The following SOX6 variants were observed in gnomAD, a reference collection of about 807,000 sequenced individuals.
SOX6 encodes the protein transcription factor SOX-6.
Under a neutral mutation model 97.8 loss-of-function variants are expected in SOX6, and 11 were observed. The ratio of observed to expected loss-of-function variants is 0.11; its 90% CI spans 0.07 to 0.19. SOX6 has a LOEUF of 0.19. Ranked by LOEUF, SOX6 falls within the 10% of genes least tolerant of loss-of-function variation. The pLI is 1.00. For synonymous variants in SOX6, 360 were observed against 371.4 expected, an observed-to-expected ratio of 0.97 and a Z score of 0.35; for missense variants, 810 against 1,039.5, an observed-to-expected ratio of 0.78 and a Z score of 3.04.
At chr11:16,079,829 T>C (rs150614024) in intron 9 of SOX6, among the ~76,000 whole-genome samples, 1 of 149,400 alleles carries the variant, frequency 6.7e-6, no homozygotes, top group African/African-American at 2.6e-5. Context: ...AGCACGTAAA[T>C]ATGCCATCTG....
intron 1 of SOX6, among the ~76,000 whole-genome samples, chr11:16,468,287 C>G (rs936419519): frequency 3.9e-5 from 6 of 152,164 alleles, no homozygotes; most frequent in Non-Finnish European, 7.4e-5. Context: ...GCTGTTTGCA[C>G]TATATTACTT....
At chr11:16,210,439 C>T (rs1852189387) in intron 4 of SOX6, among the ~76,000 whole-genome samples, 2 of 152,106 alleles carry the variant, frequency 1.3e-5, no homozygotes, top group Non-Finnish European at 1.5e-5. Context: ...ATAGGCAAAT[C>T]TACAGAGATA....
intron 2 of SOX6, among the ~76,000 whole-genome samples, chr11:16,735,149 G>C (rs1410012818): frequency 6.6e-6 from 1 of 152,088 alleles, no homozygotes; most frequent in African/African-American, 2.4e-5. Flanking sequence ...TTAGAAAACA[G>C]GTCACACAGA....
intron 1 of SOX6, among the ~76,000 whole-genome samples, chr11:16,421,624 T>C (rs1312170301): frequency 6.6e-6 from 1 of 152,216 alleles, no homozygotes; most frequent in African/African-American, 2.4e-5. Context: ...TCAATGATAT[T>C]GTACAAAAGA....
At chr11:16,248,608 C>T (rs992781956) in intron 3 of SOX6, among the ~76,000 whole-genome samples, 1 of 152,244 alleles carries the variant, frequency 6.6e-6, no homozygotes, top group African/African-American at 2.4e-5. Flanking sequence ...TACTTTTGCC[C>T]CTTGTAGCCA....
At chr11:16,377,582 A>G (rs1857676521) in intron 1 of SOX6, among the ~76,000 whole-genome samples, 1 of 152,188 alleles carries the variant, frequency 6.6e-6, no homozygotes, top group African/African-American at 2.4e-5. Context: ...GATGGAAAAA[A>G]ACATCCACTT....
chr11:16,429,895 G>A (rs1352846637), intron 1 of SOX6, among the ~76,000 whole-genome samples: 1 of 152,142 alleles, frequency 6.6e-6, no homozygotes, highest in Non-Finnish European at 1.5e-5. Context: ...GTAGAAGGTA[G>A]CTATAATAAA....
At chr11:16,083,007 T>A (rs1245827025) in intron 9 of SOX6, among the ~76,000 whole-genome samples, 1 of 152,166 alleles carries the variant, frequency 6.6e-6, no homozygotes, top group African/African-American at 2.4e-5. Flanking sequence ...TGGAGTGCTT[T>A]TTCTCTTCTC....
At chr11:16,257,536 T>A (rs1189273570) in intron 3 of SOX6, among the ~76,000 whole-genome samples, 1 of 151,918 alleles carries the variant, frequency 6.6e-6, no homozygotes, top group Non-Finnish European at 1.5e-5. Flanking sequence ...ATATATCTTA[T>A]GCTCTTCACA....
At chr11:16,313,292 G>A (rs1855661972) in intron 3 of SOX6, 1 of 152,170 alleles carries the variant, frequency 6.6e-6, no homozygotes, top group African/African-American at 2.4e-5. Flanking sequence ...TCTTGTAGAT[G>A]AGGGCAAATG....
In SOX6 at chr11:16,186,922, T is replaced by C; in HGVS notation, c.569A>G (p.Gln190Arg). ...TPESLAEKER[Q>R]LSTMITQLIS... ...CAGCTGGGTAATCATGGTGGAGAGC[T>C]GCCGTTCTTTTTCTGCCAGGCTCTC... The change falls in exon 5 of 16, where the codon CAG (glutamine) becomes CGG (arginine). Residue 190 changes from glutamine (Q) to arginine (R), a missense_variant. Gln to Arg is a conservative substitution (Grantham distance 43, BLOSUM62 1). This residue lies in a region of SOX6 where 110 missense variants were observed against 119.0 expected (regional missense o/e 0.92). Coordinates refer to ENST00000683767, the MANE Select transcript of SOX6 (RefSeq NM_001367873.1). 6 of 1,613,878 alleles carry C rather than the reference T, an allele frequency of 3.7e-6. No homozygotes were observed. Among genetic ancestry groups the C allele is most frequent in the Non-Finnish European group, 5.1e-6 (6 of 1,179,844 alleles).
At chr11:16,308,531 T>C (rs1187865559) in intron 3 of SOX6, among the ~76,000 whole-genome samples, 1 of 152,184 alleles carries the variant, frequency 6.6e-6, no homozygotes, top group East Asian at 1.9e-4. Flanking sequence ...AAGTTAAACA[T>C]TCTGAGAGAG....
At chr11:16,478,408 C>A (rs1358196009), upstream of SOX6, among the ~76,000 whole-genome samples, 6 of 152,150 alleles carry the variant, frequency 3.9e-5, no homozygotes, top group East Asian at 1.2e-3. Flanking sequence ...GAATTAAGAT[C>A]TCTAACTCTA....
chr11:16,396,032 C>T (rs966162480), intron 1 of SOX6, among the ~76,000 whole-genome samples: 1 of 136,352 alleles, frequency 7.3e-6, no homozygotes, highest in Non-Finnish European at 1.6e-5. Flanking sequence ...TTGAGAAATT[C>T]AAGCACATAG....
Position 16,181,756 on chromosome 11 carries a change from T to C in SOX6, c.777+2130A>G, listed in dbSNP as rs180940545. Among the ~76,000 whole-genome samples the C allele has an allele frequency of 1.4e-4, 22 of 151,808 alleles. No individual in the cohort carries two copies. In the East Asian group the frequency reaches 4.1e-3, roughly 28 times the overall value. ...AGCTCAGGACAGAATGAACTATAAA[T>C]ACAGGTCTTATTGCTTTCTCTTATT... is the stretch of plus-strand genomic sequence containing the variant. On this transcript the variant is annotated intron_variant, in intron 6 of 15. Transcript: ENST00000683767.
chr11:16,211,726 G>A (rs1484150172), intron 4 of SOX6, among the ~76,000 whole-genome samples: 1 of 152,162 alleles, frequency 6.6e-6, no homozygotes, highest in Non-Finnish European at 1.5e-5. Context: ...GTTCTCCACA[G>A]TGTCTCACAT....
chr11:16,328,235 T>A (rs1856161683), intron 2 of SOX6, among the ~76,000 whole-genome samples: 1 of 152,148 alleles, frequency 6.6e-6, no homozygotes, highest in Admixed American at 6.6e-5. Context: ...ACTCTCTTCC[T>A]AAGACGTTCT....
At chr11:16,416,428 G>A (rs7945099) in intron 1 of SOX6, among the ~76,000 whole-genome samples, 51,209 of 151,930 alleles carry the variant, frequency 0.34, 9,145 homozygotes, top group Non-Finnish European at 0.4. Flanking sequence ...ACATTTTAGA[G>A]GATTCCACTA....
intron 12 of SOX6, among the ~76,000 whole-genome samples, chr11:16,038,409 G>A (rs1855572006): frequency 6.6e-6 from 1 of 151,890 alleles, no homozygotes; most frequent in South Asian, 2.1e-4. Context: ...TTAATTAAAT[G>A]GATGGAAAAG....
Sources: gnomAD v4.1 joint callset for allele counts (sites outside exome capture counted in the v4.1 genomes callset) on GRCh38, gnomAD v4.1.1 for gene constraint, gnomAD v4.1.1 regional missense constraint, MANE v1.5 for transcripts, NCBI Gene and HGNC (gene_info 2026-07-23, HGNC 2026-07-21) for gene names.